MDGA2: variants seen among roughly 807,000 people sequenced by gnomAD.
The protein encoded by MDGA2 is MAM domain-containing glycosylphosphatidylinositol anchor protein 2.
MDGA2 carries 40 observed loss-of-function variants against 117.8 expected under a neutral mutation model. The ratio of observed to expected loss-of-function variants is 0.34; its 90% CI spans 0.26 to 0.44. The LOEUF (loss-of-function observed/expected upper bound fraction) is 0.44, where lower values mean the gene tolerates loss of function less well. Among genes scored for constraint, MDGA2 ranks in the 20% least tolerant of loss-of-function variants. MDGA2 has a pLI of 1.00. For synonymous variants in MDGA2, 452 were observed against 439.0 expected (o/e 1.03, Z -0.37); for missense variants, 1,123 against 1,250.6 (o/e 0.90, Z 1.54).
chr14:47,343,386 T>C (rs1890691318), intron 1 of MDGA2: 2 of 393,976 alleles, frequency 5.1e-6, no homozygotes, highest in Non-Finnish European at 6.9e-6. Context: ...AAGCCTAACT[T>C]TGAACCAAAC....
At chr14:47,507,515 C>T (rs1894539406) in intron 1 of MDGA2, among the ~76,000 whole-genome samples, 1 of 152,134 alleles carries the variant, frequency 6.6e-6, no homozygotes. Flanking sequence ...TTTCACATAG[C>T]CATGTTTGAT....
At chr14:46,936,012 A>AAAC (rs1884766864) in intron 9 of MDGA2, among the ~76,000 whole-genome samples, 1 of 151,434 alleles carries the variant, frequency 6.6e-6, no homozygotes, top group Non-Finnish European at 1.5e-5. Flanking sequence ...AATACTAAAT[A>AAAC]AATAATAATA....
At chr14:47,152,989 G>A (rs918866873) in intron 3 of MDGA2, among the ~76,000 whole-genome samples, 5 of 152,158 alleles carry the variant, frequency 3.3e-5, no homozygotes, top group African/African-American at 1.2e-4. Flanking sequence ...AAAGCTCTGA[G>A]ATATCAGAGC....
chr14:47,134,689 T>C (rs1882364917), intron 4 of MDGA2, among the ~76,000 whole-genome samples: 1 of 151,658 alleles, frequency 6.6e-6, no homozygotes, highest in Non-Finnish European at 1.5e-5. Flanking sequence ...TACAGATACA[T>C]GCAGTTACAT....
intron 8 of MDGA2, among the ~76,000 whole-genome samples, chr14:47,032,697 C>T (rs1566583772): frequency 6.6e-6 from 1 of 152,166 alleles, no homozygotes; most frequent in Non-Finnish European, 1.5e-5. Context: ...GGCATGTAGG[C>T]AAGATCTGCT....
intron 8 of MDGA2, among the ~76,000 whole-genome samples, chr14:46,958,964 C>T (rs754890307): frequency 1.3e-5 from 2 of 152,036 alleles, no homozygotes; most frequent in South Asian, 2.1e-4. Context: ...ACTCTAATAT[C>T]GAGGAGTTGT....
At chr14:47,061,779 T>G (rs935025686) in intron 6 of MDGA2, among the ~76,000 whole-genome samples, 2 of 152,000 alleles carry the variant, frequency 1.3e-5, no homozygotes, top group Admixed American at 6.6e-5. Context: ...TCTAAGTCAA[T>G]TAAAGACTGT....
At chr14:47,268,478 A>G (rs1474647083) in intron 2 of MDGA2, among the ~76,000 whole-genome samples, 7 of 152,172 alleles carry the variant, frequency 4.6e-5, no homozygotes, top group Non-Finnish European at 5.9e-5. Flanking sequence ...GATTCTACTG[A>G]CTATTTAAAA....
Position 47,525,789 on chromosome 14 carries a change from T to C in MDGA2, c.280+148728A>G, listed in dbSNP as rs553045959. Among the ~76,000 whole-genome samples the C allele has an allele frequency of 5.9e-5, 9 of 151,608 alleles. No homozygotes were observed. In the South Asian group the frequency reaches 1.9e-3, roughly 31 times the overall value. On this transcript the variant is annotated intron_variant, in intron 1 of 16. Transcript: ENST00000399232. The stretch of plus-strand genomic sequence containing the variant: ...TTTTATTATGGTGTGTCCAGATGTG[T>C]TTTTTTTCCATTATATTTACCCTCC...
intron 1 of MDGA2, among the ~76,000 whole-genome samples, chr14:47,532,315 C>A (rs1012647688): frequency 2.0e-5 from 3 of 152,146 alleles, no homozygotes; most frequent in Non-Finnish European, 4.4e-5. Flanking sequence ...GTTTTTATAA[C>A]CTTGACAGGT....
At position 46,855,095 on chromosome 14, in the gene MDGA2, A is replaced by T; in HGVS notation, c.2812T>A (p.Ser938Thr). 1 of 1,611,000 alleles carries T rather than the reference A, an allele frequency of 6.2e-7. No individual in the cohort carries two copies. Among genetic ancestry groups the T allele is most frequent in the South Asian group, 1.1e-5 (1 of 90,912 alleles). ...GQTTIENPLW[S>T]SSGNKGQRWN... is the part of the protein sequence containing the mutation. ...CTTTGTCCTTTATTCCCACTTGAAG[A>T]CCACAGTGGATTCTCTATTGTTGTT... Residue 938 changes from serine (S) to threonine (T), a missense_variant, in exon 15 of 17, where the codon TCT becomes ACT. Ser to Thr is a moderately conservative substitution (Grantham distance 58, BLOSUM62 1). This residue lies in a region of MDGA2 where 890 missense variants were observed against 1,050.3 expected (regional missense o/e 0.85). Transcript: ENST00000399232. The surrounding 1 kb of genome is among the most constrained non-coding windows in gnomAD (Gnocchi z 4.1).
intron 8 of MDGA2, among the ~76,000 whole-genome samples, chr14:46,992,643 T>C (rs1241029905): frequency 1.3e-5 from 2 of 152,158 alleles, no homozygotes; most frequent in African/African-American, 2.4e-5. Flanking sequence ...ATTCAGATCA[T>C]TTGTTGGTAC....
chr14:47,277,366 A>G (rs569378036), intron 2 of MDGA2, among the ~76,000 whole-genome samples: 1 of 152,212 alleles, frequency 6.6e-6, no homozygotes, highest in Non-Finnish European at 1.5e-5. Context: ...CAAGGGAGGC[A>G]GGCTTAAATA....
chr14:47,109,049 A>G, intron 5 of MDGA2, among the ~76,000 whole-genome samples: 1 of 152,160 alleles, frequency 6.6e-6, no homozygotes, highest in East Asian at 1.9e-4. Context: ...GGTCTCATTC[A>G]AGTTTACAGG....
intron 8 of MDGA2, among the ~76,000 whole-genome samples, chr14:47,018,733 G>GAAAAAAAAAAAAAAAAAAAAAAA (rs60442845): frequency 5.2e-5 from 2 of 38,662 alleles, no homozygotes; most frequent in African/African-American, 1.1e-4. Flanking sequence ...CCATTTTACT[G>GAAAAAAAAAAAAAAAAAAAAAAA]AAAAAAAAAA....
At chr14:47,450,859 C>T (rs1447032110) in intron 1 of MDGA2, among the ~76,000 whole-genome samples, 2 of 152,162 alleles carry the variant, frequency 1.3e-5, no homozygotes, top group African/African-American at 2.4e-5. Context: ...GAAGGACTTG[C>T]TTTTCAAATA....
intron 1 of MDGA2, among the ~76,000 whole-genome samples, chr14:47,621,438 C>T (rs539693168): frequency 1.1e-4 from 16 of 152,192 alleles, no homozygotes; most frequent in Admixed American, 2.6e-4. Context: ...GATCCTCCCA[C>T]GCCAGCCTCC....
intron 2 of MDGA2, among the ~76,000 whole-genome samples, chr14:47,234,726 A>G (rs1886803223): frequency 6.6e-6 from 1 of 152,164 alleles, no homozygotes; most frequent in African/African-American, 2.4e-5. Context: ...TTTAGGTAAC[A>G]GTCTCACAGC....
intron 1 of MDGA2, among the ~76,000 whole-genome samples, chr14:47,492,510 A>G (rs968806756): frequency 5.3e-5 from 8 of 152,132 alleles, no homozygotes; most frequent in Non-Finnish European, 1.0e-4. Flanking sequence ...ATATATATCT[A>G]AAATTATGAT....
Sources: gnomAD v4.1 joint callset for allele counts (sites outside exome capture counted in the v4.1 genomes callset) on GRCh38, gnomAD v4.1.1 for gene constraint, gnomAD v4.1.1 regional missense constraint, Gnocchi (gnomAD v3.1) non-coding constraint, MANE v1.5 for transcripts, NCBI Gene and HGNC (gene_info 2026-07-23, HGNC 2026-07-21) for gene names.